Variants in SWT1 observed in about 807,000 individuals in gnomAD.
SWT1 encodes SWT1 RNA endoribonuclease homolog.
SWT1 carries 33 observed loss-of-function variants against 107.3 expected under a neutral mutation model. The observed-to-expected ratio is 0.31, with a 90% CI of 0.23 to 0.41. The LOEUF is 0.41. Among genes scored for constraint, SWT1 ranks in the 10% least tolerant of loss-of-function variants. The pLI is 1.00. For missense variants in SWT1, 898 were observed against 1,028.9 expected, an observed-to-expected ratio of 0.87 and a Z score of 1.74; for synonymous variants, 345 against 348.3, an observed-to-expected ratio of 0.99 and a Z score of 0.11.
At chr1:185,198,860 A>G (rs1449793137) in intron 10 of SWT1, among the ~76,000 whole-genome samples, 1 of 150,582 alleles carries the variant, frequency 6.6e-6, no homozygotes, top group Non-Finnish European at 1.5e-5. Flanking sequence ...GCTCCTGAAT[A>G]CAGCACACTG....
At chr1:185,193,798 G>A (rs530430635) in intron 10 of SWT1, among the ~76,000 whole-genome samples, 12 of 152,260 alleles carry the variant, frequency 7.9e-5, no homozygotes, top group Non-Finnish European at 1.3e-4. Context: ...CACTGTGAAA[G>A]GAGTATTGAA....
intron 16 of SWT1, among the ~76,000 whole-genome samples, chr1:185,269,383 T>G (rs951638709): frequency 1.9e-4 from 29 of 151,552 alleles, no homozygotes; most frequent in African/African-American, 6.5e-4. Context: ...GTTTTTTTTT[T>G]TTTTTGTATT....
At chr1:185,245,396 G>A (rs759601012) in intron 16 of SWT1, among the ~76,000 whole-genome samples, 61 of 152,200 alleles carry the variant, frequency 4.0e-4, no homozygotes, top group East Asian at 1.2e-3. Flanking sequence ...CACACATGGA[G>A]CTGTCTCCTA....
chr1:185,202,696 G>A lies in SWT1; in HGVS notation c.1566G>A (p.Val522=), dbSNP rs2102453972. ...NLRNKGLISG[V]KSLSKEELSA... ...GAAACAAAGGCCTAATAAGTGGTGT[G>A]AAGTCACTCAGTAAAGAAGAATTGA... The change falls in exon 11 of 19, where the codon GTG becomes GTA. Residue 522 remains valine (V), a synonymous_variant. Transcript: ENST00000367500. 1 of 1,609,166 alleles carries A rather than the reference G, an allele frequency of 6.2e-7. No individual in the cohort carries two copies. The highest frequency in any genetic ancestry group is 2.2e-5 in the East Asian group (1 of 44,462).
chr1:185,210,361 T>C (rs190675121), intron 13 of SWT1, among the ~76,000 whole-genome samples: 110 of 152,314 alleles, frequency 7.2e-4, no homozygotes, highest in African/African-American at 2.4e-3. Flanking sequence ...TTAGGTGTTA[T>C]GTTTACATCT....
chr1:185,159,757 C>T (rs1186659247), intron 1 of SWT1, among the ~76,000 whole-genome samples: 1 of 151,932 alleles, frequency 6.6e-6, no homozygotes, highest in Non-Finnish European at 1.5e-5. Context: ...TGGAGTTTCG[C>T]ACTTGTCACC....
chr1:185,222,814 G>A (rs1571546067), intron 15 of SWT1, among the ~76,000 whole-genome samples: 1 of 141,570 alleles, frequency 7.1e-6, no homozygotes. Flanking sequence ...TAGCTATTTT[G>A]TAATGTGCAA....
At chr1:185,186,535 A>G (rs1486308596) in intron 9 of SWT1, among the ~76,000 whole-genome samples, 8 of 152,316 alleles carry the variant, frequency 5.3e-5, no homozygotes, top group Non-Finnish European at 1.5e-5. Context: ...GAAGTTACAT[A>G]CATTGCTATA....
chr1:185,219,160 C>T (rs1481057345), intron 14 of SWT1, among the ~76,000 whole-genome samples: 1 of 152,134 alleles, frequency 6.6e-6, no homozygotes, highest in Non-Finnish European at 1.5e-5. Flanking sequence ...AACTTTTCTT[C>T]TTGCCCCAGA....
chr1:185,265,196 T>G (rs1571660070), intron 16 of SWT1, among the ~76,000 whole-genome samples: 1 of 152,130 alleles, frequency 6.6e-6, no homozygotes, highest in East Asian at 1.9e-4. Context: ...AGCTTGCAAA[T>G]TTTTATCTCT....
intron 15 of SWT1, chr1:185,227,319 C>G (rs901110172): frequency 1.4e-6 from 1 of 737,002 alleles, no homozygotes; most frequent in African/African-American, 1.7e-5. Context: ...GTATTCATTG[C>G]CAGTCTCTTC....
At chr1:185,224,730 T>C (rs1007227771) in intron 15 of SWT1, among the ~76,000 whole-genome samples, 70 of 152,292 alleles carry the variant, frequency 4.6e-4, no homozygotes, top group African/African-American at 1.6e-3. Context: ...CTATTATAAA[T>C]TGAATTGTTT....
chr1:185,222,149 G>A, intron 15 of SWT1, 113 bp downstream of exon 15: 1 of 620,872 alleles, frequency 1.6e-6, no homozygotes, highest in Non-Finnish European at 2.5e-6. Context: ...AGATATATGT[G>A]ATATATAATC....
At chr1:185,255,356 A>G (rs1558079184) in intron 16 of SWT1, among the ~76,000 whole-genome samples, 1 of 145,132 alleles carries the variant, frequency 6.9e-6, no homozygotes, top group Non-Finnish European at 1.5e-5. Flanking sequence ...TGTCACGTTG[A>G]TCTGTCTAAT....
intron 15 of SWT1, among the ~76,000 whole-genome samples, chr1:185,222,991 T>A (rs57731138): frequency 0.46 from 69,476 of 151,966 alleles, 17,788 homozygotes; most frequent in African/African-American, 0.7. Context: ...AACTATTGTA[T>A]ATAGTGCTAC....
chr1:185,220,114 G>C (rs1659526604), intron 14 of SWT1, among the ~76,000 whole-genome samples: 1 of 129,868 alleles, frequency 7.7e-6, no homozygotes, highest in Non-Finnish European at 1.5e-5. Flanking sequence ...ACTCCAGCCT[G>C]GGTGGCAGAA....
At chr1:185,174,241 A>G (rs1558011717) in intron 4 of SWT1, 131 bp from the exon 5 acceptor site, 3 of 658,782 alleles carry the variant, frequency 4.6e-6, no homozygotes, top group African/African-American at 1.9e-5. Flanking sequence ...TTTCCACTTC[A>G]TTCTTAATGT....
At chr1:185,252,695 T>C (rs950260333) in intron 16 of SWT1, among the ~76,000 whole-genome samples, 9 of 152,230 alleles carry the variant, frequency 5.9e-5, no homozygotes, top group Non-Finnish European at 1.2e-4. Flanking sequence ...CTTTGTCAGA[T>C]GAGTAGGTTA....
intron 10 of SWT1, among the ~76,000 whole-genome samples, chr1:185,200,465 C>T (rs1025266816): frequency 2.6e-5 from 4 of 152,104 alleles, no homozygotes; most frequent in African/African-American, 9.7e-5. Flanking sequence ...GTTGATGCTA[C>T]TCCTTTCTGT....
Sources: allele counts gnomAD v4.1 joint callset (sites outside exome capture counted in the v4.1 genomes callset), GRCh38; gene constraint gnomAD v4.1.1; transcripts MANE v1.5; gene names NCBI Gene and HGNC (gene_info 2026-07-23, HGNC 2026-07-21).